The following CTNNA3 variants were observed in gnomAD, a reference collection of about 807,000 sequenced individuals.
CTNNA3 encodes catenin alpha 3.
A neutral mutation model predicts 95.7 loss-of-function variants in CTNNA3; 76 were observed. The observed-to-expected ratio is 0.79, with a 90% CI of 0.66 to 0.96. The LOEUF is 0.96. CTNNA3 is among the 40% of genes least tolerant of loss of function. The pLI is 0.00. For synonymous variants in CTNNA3, 431 were observed against 374.4 expected (o/e 1.15, Z -1.74); for missense variants, 1,191 against 1,089.8 (o/e 1.09, Z -1.31).
chr10:67,231,448 A>C (rs1181941021), intron 5 of CTNNA3, among the ~76,000 whole-genome samples: 1 of 152,104 alleles, frequency 6.6e-6, no homozygotes, highest in East Asian at 1.9e-4. Flanking sequence ...ACTCCAACAG[A>C]CCTGCAGCTG....
At chr10:66,455,013 A>G (rs1441111799) in intron 11 of CTNNA3, among the ~76,000 whole-genome samples, 1 of 149,710 alleles carries the variant, frequency 6.7e-6, no homozygotes, top group Non-Finnish European at 1.5e-5. Context: ...CTAATGAAAA[A>G]TGTAATAATT....
At chr10:66,241,095 C>G (rs1167604125) in intron 13 of CTNNA3, among the ~76,000 whole-genome samples, 1 of 152,018 alleles carries the variant, frequency 6.6e-6, no homozygotes, top group African/African-American at 2.4e-5. Context: ...CTCATTCATA[C>G]TGAACCAGAA....
intron 13 of CTNNA3, among the ~76,000 whole-genome samples, chr10:66,141,693 A>T (rs2083628501): frequency 1.4e-5 from 2 of 138,004 alleles, no homozygotes; most frequent in Non-Finnish European, 3.2e-5. Flanking sequence ...TATAAACGAT[A>T]AATAATTTAT....
intron 1 of CTNNA3, among the ~76,000 whole-genome samples, chr10:67,648,283 A>C (rs1399116042): frequency 6.6e-6 from 1 of 152,228 alleles, no homozygotes; most frequent in Non-Finnish European, 1.5e-5. Context: ...ATTAACGTTC[A>C]AAAACTCTAG....
At chr10:66,258,336 C>T (rs2132091532) in intron 13 of CTNNA3, among the ~76,000 whole-genome samples, 1 of 152,314 alleles carries the variant, frequency 6.6e-6, no homozygotes, top group Non-Finnish European at 1.5e-5. Context: ...CTCTCTAGCG[C>T]TCCTGAAGAT....
chr10:67,627,273 T>C (rs1199146623), intron 2 of CTNNA3, among the ~76,000 whole-genome samples: 1 of 152,036 alleles, frequency 6.6e-6, no homozygotes, highest in Non-Finnish European at 1.5e-5. Context: ...CCCTGGGCCC[T>C]ATATTAGGTG....
At chr10:66,597,535 T>C (rs542374239) in intron 10 of CTNNA3, among the ~76,000 whole-genome samples, 2,718 of 136,936 alleles carry the variant, frequency 0.02, 112 homozygotes, top group South Asian at 0.072. Context: ...TATATATATA[T>C]ATATATATAT....
chr10:66,608,737 C>T (rs1364451062), intron 10 of CTNNA3, among the ~76,000 whole-genome samples: 3 of 152,104 alleles, frequency 2.0e-5, no homozygotes, highest in South Asian at 4.2e-4. Context: ...GCTAGCCATA[C>T]GCAGAAGGTT....
intron 11 of CTNNA3, among the ~76,000 whole-genome samples, chr10:66,410,927 T>C (rs2093099390): frequency 6.6e-6 from 1 of 152,172 alleles, no homozygotes. Flanking sequence ...AATTGAGCCC[T>C]CTCAATATAT....
intron 15 of CTNNA3, 99 bp downstream of exon 15, chr10:66,069,209 A>G: frequency 8.4e-7 from 1 of 1,189,086 alleles, no homozygotes; most frequent in South Asian, 1.3e-5. Context: ...CTACCACCTG[A>G]TTTTTGGCAC....
chr10:66,963,027 A>G (rs558585291), intron 7 of CTNNA3, among the ~76,000 whole-genome samples: 69 of 152,290 alleles, frequency 4.5e-4, no homozygotes, highest in African/African-American at 1.6e-3. Context: ...CAGGAAGTCT[A>G]GCACATTTAT....
chr10:66,446,100 T>G (rs1242583894), intron 11 of CTNNA3, among the ~76,000 whole-genome samples: 1 of 152,128 alleles, frequency 6.6e-6, no homozygotes, highest in African/African-American at 2.4e-5. Context: ...CCTTGACACA[T>G]ACACCCTCCC....
At chr10:66,139,434 T>G (rs548795540) in intron 13 of CTNNA3, among the ~76,000 whole-genome samples, 1 of 152,288 alleles carries the variant, frequency 6.6e-6, no homozygotes, top group South Asian at 2.1e-4. Context: ...GATTTTTCCC[T>G]GTCAAATGCA....
intron 17 of CTNNA3, among the ~76,000 whole-genome samples, chr10:65,952,366 A>G (rs78040912): frequency 0.029 from 4,466 of 152,210 alleles, 233 homozygotes; most frequent in African/African-American, 0.1. Flanking sequence ...ACAAAAAGCA[A>G]CACTCAATAG....
intron 7 of CTNNA3, among the ~76,000 whole-genome samples, chr10:67,177,662 C>T (rs942702692): frequency 1.3e-5 from 2 of 152,122 alleles, no homozygotes; most frequent in Admixed American, 1.3e-4. Flanking sequence ...TTGAGTTCAG[C>T]TAGTTCCAGA....
intron 12 of CTNNA3, among the ~76,000 whole-genome samples, chr10:66,360,817 CT>C (rs368129307): frequency 0.024 from 1,239 of 51,838 alleles, 92 homozygotes; most frequent in African/African-American, 0.12. Flanking sequence ...TCCTTCCTTC[CT>C]TTCTTTCTTT....
intron 15 of CTNNA3, among the ~76,000 whole-genome samples, chr10:66,028,663 G>T (rs1181257353): frequency 6.6e-6 from 1 of 152,028 alleles, no homozygotes; most frequent in Non-Finnish European, 1.5e-5. Flanking sequence ...GTTGATGGGT[G>T]CAGCAAACCA....
At chr10:66,173,983 C>T (rs768660606) in intron 13 of CTNNA3, among the ~76,000 whole-genome samples, 1 of 152,124 alleles carries the variant, frequency 6.6e-6, no homozygotes, top group Admixed American at 6.6e-5. Flanking sequence ...ACTTCAAAAT[C>T]CGTGTCCCTA....
chr10:66,324,304 A>T (rs1027808565), intron 12 of CTNNA3, among the ~76,000 whole-genome samples: 1 of 152,134 alleles, frequency 6.6e-6, no homozygotes, highest in African/African-American at 2.4e-5. Flanking sequence ...TGAGCAACAG[A>T]GCGAGACTGC....
Sources: allele counts gnomAD v4.1 joint callset (sites outside exome capture counted in the v4.1 genomes callset), GRCh38; gene constraint gnomAD v4.1.1; transcripts MANE v1.5; gene names NCBI Gene and HGNC (gene_info 2026-07-23, HGNC 2026-07-21).